Variants in TNIK observed in about 807,000 individuals in gnomAD.
TNIK encodes TRAF2 and NCK interacting kinase, also known as TRAF2 and NCK-interacting protein kinase.
Under a neutral mutation model 191.3 loss-of-function variants are expected in TNIK, and 49 were observed. The observed-to-expected ratio is 0.26, with a 90% CI of 0.20 to 0.32. TNIK has a LOEUF of 0.32. Ranked by LOEUF, TNIK falls within the 10% of genes least tolerant of loss-of-function variation. TNIK has a pLI of 1.00. For missense variants in TNIK, 1,155 were observed against 1,702.3 expected, an observed-to-expected ratio of 0.68 and a Z score of 5.66; for synonymous variants, 594 against 600.9, an observed-to-expected ratio of 0.99 and a Z score of 0.17.
intron 1 of TNIK, among the ~76,000 whole-genome samples, chr3:171,383,473 C>T (rs1049348633): frequency 6.6e-6 from 1 of 152,180 alleles, no homozygotes; most frequent in Admixed American, 6.5e-5. Flanking sequence ...CTGTGGCAAC[C>T]TGACTGGAAT....
At chr3:171,129,881 A>C (rs576987159) in intron 15 of TNIK, among the ~76,000 whole-genome samples, 4 of 152,344 alleles carry the variant, frequency 2.6e-5, no homozygotes, top group Admixed American at 2.0e-4. Context: ...GATCTTAGAC[A>C]ACTTCAAGAA....
intron 2 of TNIK, among the ~76,000 whole-genome samples, chr3:171,293,574 C>G (rs550089676): frequency 6.6e-6 from 1 of 152,142 alleles, no homozygotes; most frequent in Non-Finnish European, 1.5e-5. Context: ...CTAATAGTGG[C>G]TAGTTTCCCC....
At chr3:171,410,728 G>A (rs894746345) in intron 1 of TNIK, among the ~76,000 whole-genome samples, 16 of 138,200 alleles carry the variant, frequency 1.2e-4, no homozygotes, top group African/African-American at 3.9e-4. Flanking sequence ...GCAGTGAGTC[G>A]AGATCGCGCC....
At chr3:171,141,149 G>A (rs944274880) in intron 12 of TNIK, among the ~76,000 whole-genome samples, 3 of 152,134 alleles carry the variant, frequency 2.0e-5, no homozygotes, top group Non-Finnish European at 2.9e-5. Flanking sequence ...CATCGTCATC[G>A]TCAATCATCG....
At chr3:171,262,684 C>T (rs997669706) in intron 2 of TNIK, among the ~76,000 whole-genome samples, 15 of 152,204 alleles carry the variant, frequency 9.9e-5, no homozygotes, top group Non-Finnish European at 1.3e-4. Context: ...AATGCCAGTT[C>T]GTTTTTTACT....
At chr3:171,256,390 C>T (rs1746874541) in intron 2 of TNIK, among the ~76,000 whole-genome samples, 1 of 152,142 alleles carries the variant, frequency 6.6e-6, no homozygotes, top group African/African-American at 2.4e-5. Flanking sequence ...TCGAGGGAGG[C>T]AGAGCATTTT....
At chr3:171,403,415 G>A (rs1239510054) in intron 1 of TNIK, among the ~76,000 whole-genome samples, 1 of 152,070 alleles carries the variant, frequency 6.6e-6, no homozygotes, top group African/African-American at 2.4e-5. Flanking sequence ...AGAAGTTCGA[G>A]ATCAGCCTGG....
chr3:171,158,734 T>A (rs1008534429), intron 11 of TNIK, among the ~76,000 whole-genome samples: 1 of 152,224 alleles, frequency 6.6e-6, no homozygotes. Flanking sequence ...ATTTCAGGTA[T>A]TAATAGGCTC....
intron 1 of TNIK, among the ~76,000 whole-genome samples, chr3:171,440,782 G>A (rs1490961085): frequency 6.6e-6 from 1 of 152,126 alleles, no homozygotes; most frequent in Non-Finnish European, 1.5e-5. Context: ...ATTATGATAG[G>A]GGCTTGGGAA....
At chr3:171,099,276 T>A (rs1723129274) in intron 22 of TNIK, among the ~76,000 whole-genome samples, 1 of 152,078 alleles carries the variant, frequency 6.6e-6, no homozygotes, top group Admixed American at 6.6e-5. Context: ...TAGTCCAGAC[T>A]CCCCTCCACC....
chr3:171,333,902 C>A (rs1756683385), intron 2 of TNIK, among the ~76,000 whole-genome samples: 1 of 152,220 alleles, frequency 6.6e-6, no homozygotes, highest in South Asian at 2.1e-4. Flanking sequence ...GTCTTTTAAT[C>A]ATCATTTCCT....
intron 1 of TNIK, among the ~76,000 whole-genome samples, chr3:171,389,539 A>G (rs11708514): frequency 0.75 from 114,761 of 152,078 alleles, 44,783 homozygotes; most frequent in African/African-American, 0.89. Flanking sequence ...ACTTTAGAGC[A>G]CCTGGGAGGA....
chr3:171,254,915 G>A (rs1252985532), intron 2 of TNIK, among the ~76,000 whole-genome samples: 1 of 152,200 alleles, frequency 6.6e-6, no homozygotes, highest in Non-Finnish European at 1.5e-5. Context: ...ATAATTTGGA[G>A]TATGGTAATG....
rs1006141846 is a variant in TNIK at position 171,143,197 on chromosome 3, C to T, written c.1222-2688G>A. On this transcript the variant is annotated intron_variant, in intron 12 of 32. Transcript: ENST00000436636. ...CTGTGGTGAGGTTGGAAAAATAAAT[C>T]GCTTTCCCAACCTTCTGAGGGCACC... Among the ~76,000 whole-genome samples the T allele has an allele frequency of 5.3e-5, 8 of 152,314 alleles. No homozygotes were observed. The South Asian group carries it at 6.2e-4, about 12-fold the overall frequency.
At chr3:171,173,069 T>G (rs577582762) in intron 9 of TNIK, among the ~76,000 whole-genome samples, 1 of 151,836 alleles carries the variant, frequency 6.6e-6, no homozygotes, top group Admixed American at 6.6e-5. Flanking sequence ...AAAGGGGTGG[T>G]GTAGACCATG....
chr3:171,103,827 T>C (rs1479119500), intron 21 of TNIK, among the ~76,000 whole-genome samples: 1 of 152,120 alleles, frequency 6.6e-6, no homozygotes, highest in African/African-American at 2.4e-5. Context: ...TCCTTTTCTC[T>C]GACATTTCAA....
intron 1 of TNIK, among the ~76,000 whole-genome samples, chr3:171,440,640 C>A (rs929009991): frequency 3.9e-5 from 6 of 152,198 alleles, no homozygotes; most frequent in African/African-American, 1.4e-4. Context: ...AGCAGGCATT[C>A]ATTTCATTAA....
chr3:171,186,872 T>G (rs1327681816), intron 7 of TNIK, among the ~76,000 whole-genome samples: 1 of 152,176 alleles, frequency 6.6e-6, no homozygotes, highest in Non-Finnish European at 1.5e-5. Context: ...TCTTAAACTA[T>G]ACTCCTTAGC....
rs142780571 is a variant in TNIK at position 171,297,619 on chromosome 3, A to G, written c.124-69398T>C. 2.0e-3 allele frequency among the ~76,000 whole-genome samples: 300 copies of G among 152,134 alleles called. 3 individuals are homozygous for G. The highest frequency in any genetic ancestry group is 6.8e-3 in the African/African-American group (283 of 41,492). ...TCTTTTATCACTGATAGGTCATATA[A>G]AATTTGGAGACAGTTTTCCTCTATG... On this transcript the variant is annotated intron_variant, in intron 2 of 32. Transcript: ENST00000436636.
Sources: allele counts gnomAD v4.1 joint callset (sites outside exome capture counted in the v4.1 genomes callset), GRCh38; gene constraint gnomAD v4.1.1; transcripts MANE v1.5; gene names NCBI Gene and HGNC (gene_info 2026-07-23, HGNC 2026-07-21).